Variants in SNX4 observed in about 807,000 individuals in gnomAD.
The protein encoded by SNX4 is sorting nexin 4, also known as sorting nexin-4.
In SNX4, 49 loss-of-function variants were observed where a neutral mutation model predicts 70.8. The ratio of observed to expected loss-of-function variants is 0.69; its 90% CI spans 0.55 to 0.88. The LOEUF (loss-of-function observed/expected upper bound fraction) is 0.88. Among genes scored for constraint, SNX4 ranks in the 40% least tolerant of loss-of-function variants. SNX4 has a pLI of 0.00. For missense variants in SNX4, 528 were observed against 544.8 expected (o/e 0.97, Z 0.31); for synonymous variants, 206 against 183.8 (o/e 1.12, Z -0.98).
intron 7 of SNX4, among the ~76,000 whole-genome samples, chr3:125,477,706 T>A (rs1302305311): frequency 1.3e-5 from 2 of 152,194 alleles, no homozygotes; most frequent in African/African-American, 2.4e-5. Context: ...AGTAGGTGTA[T>A]GAGGATCATA....
intron 1 of SNX4, among the ~76,000 whole-genome samples, chr3:125,510,184 C>A (rs1190691931): frequency 6.6e-6 from 1 of 151,648 alleles, no homozygotes; most frequent in African/African-American, 2.4e-5. Context: ...CCATCATTCA[C>A]AATAGGTAAA....
intron 6 of SNX4, among the ~76,000 whole-genome samples, chr3:125,482,146 G>A (rs1377334310): frequency 1.3e-5 from 2 of 152,160 alleles, no homozygotes; most frequent in Non-Finnish European, 2.9e-5. Context: ...ACATTCCTAT[G>A]TGACTTGTCA....
chr3:125,481,440 C>T (rs907869600), intron 6 of SNX4, among the ~76,000 whole-genome samples: 33 of 149,052 alleles, frequency 2.2e-4, no homozygotes, highest in East Asian at 3.9e-4. Flanking sequence ...CAAAAAATTC[C>T]TGAAATCTTT....
intron 5 of SNX4, 128 bp downstream of exon 5, chr3:125,497,213 C>T: frequency 1.7e-6 from 1 of 579,004 alleles, no homozygotes; most frequent in Non-Finnish European, 3.0e-6. Context: ...AAAACCTTAC[C>T]AATGATATTT....
chr3:125,509,193 G>A (rs540460294), intron 1 of SNX4, among the ~76,000 whole-genome samples: 3 of 151,812 alleles, frequency 2.0e-5, no homozygotes, highest in Non-Finnish European at 4.4e-5. Context: ...TTAGCCAGGC[G>A]TGGTGTCATA....
intron 1 of SNX4, among the ~76,000 whole-genome samples, chr3:125,506,870 A>T (rs1935057331): frequency 1.4e-5 from 2 of 147,906 alleles, no homozygotes; most frequent in Admixed American, 1.3e-4. Context: ...TATGAACAAA[A>T]TAGAAGTATC....
intron 10 of SNX4, among the ~76,000 whole-genome samples, chr3:125,458,655 A>G (rs191249202): frequency 3.8e-4 from 57 of 151,626 alleles, no homozygotes; most frequent in African/African-American, 1.4e-3. Context: ...TCTCTACTAA[A>G]AATACAAAAA....
intron 13 of SNX4, 128 bp from the exon 14 acceptor site, chr3:125,447,954 T>C (rs1399399461): frequency 8.8e-6 from 5 of 566,098 alleles, no homozygotes; most frequent in Non-Finnish European, 1.5e-5. Context: ...TATGACACTA[T>C]TTTGGGAAGT....
At chr3:125,502,465 G>A (rs1934949883) in intron 2 of SNX4, among the ~76,000 whole-genome samples, 1 of 151,404 alleles carries the variant, frequency 6.6e-6, no homozygotes, top group South Asian at 2.1e-4. Flanking sequence ...TTTTATTTTA[G>A]GCAGAAACAC....
rs1220336384 is a variant in SNX4, at chr3:125,482,227, C to T, written c.654-1908G>A. Among the ~76,000 whole-genome samples, 4 of 152,228 alleles carry T rather than the reference C, an allele frequency of 2.6e-5. No homozygotes were observed. The East Asian group carries it at 7.7e-4, about 29-fold the overall frequency. ...ATTTCTACCATCAGCCCAAATCTCT[C>T]TTAACTCCAGATCTATAAAACCAAC... On this transcript the variant is annotated intron_variant, in intron 6 of 13. Transcript: ENST00000251775.
rs201797485 is a variant in SNX4, at chr3:125,456,820, C to G, written c.1044+446G>C. ...GGACTACAGGCGTGAGGCACCACACCTGGCTAATTTTTGTATTTCTAGTAG... is the reference window on the plus strand; with the variant it reads ...GGACTACAGGCGTGAGGCACCACACGTGGCTAATTTTTGTATTTCTAGTAG... On this transcript the variant is annotated intron_variant, in intron 11 of 13. Transcript: ENST00000251775. Among the ~76,000 whole-genome samples the G allele has an allele frequency of 7.9e-5, 12 of 152,188 alleles. No individual in the cohort carries two copies. In the East Asian group the frequency reaches 2.3e-3, roughly 29 times the overall value.
Position 125,457,381 on chromosome 3 carries a change from TGTGCTGCCA to T in SNX4, c.945-25_945-17del, listed in dbSNP as rs752050244. 4 of 1,590,022 alleles carry T rather than the reference TGTGCTGCCA, an allele frequency of 2.5e-6. No homozygotes were observed. The South Asian group carries it at 4.4e-5, about 18-fold the overall frequency. On this transcript the variant is annotated splice_polypyrimidine_tract_variant and intron_variant, in intron 10 of 13. Coordinates refer to ENST00000251775, the MANE Select transcript of SNX4 (RefSeq NM_003794.4). ...GCACACAGCCCTACAGATGAAAAAA[TGTGCTGCCA>T]TTTAACTTTTCCTTTAACATGTCAA...
rs192031296 is a variant in SNX4 at position 125,506,999 on chromosome 3, C to T, written c.142-2255G>A. 9.4e-3 allele frequency among the ~76,000 whole-genome samples: 1,412 copies of T among 150,786 alleles called. 15 individuals are homozygous for T. Among genetic ancestry groups the T allele is most frequent in the Non-Finnish European group, 0.016 (1,066 of 67,636 alleles). ...GGCAGGTCACCTGAGGTCAGGAGTTCAAGACCAGTCTAGCCAACATGTTGA... is the reference window on the plus strand; with the variant it reads ...GGCAGGTCACCTGAGGTCAGGAGTTTAAGACCAGTCTAGCCAACATGTTGA... On this transcript the variant is annotated intron_variant, in intron 1 of 13. Transcript: ENST00000251775.
At chr3:125,453,659 A>G (rs1308774227) in intron 12 of SNX4, 151 bp downstream of exon 12, 5 of 698,514 alleles carry the variant, frequency 7.2e-6, no homozygotes, top group Non-Finnish European at 8.6e-6. Context: ...TGATAACTCA[A>G]ATTTCTTAGG....
intron 8 of SNX4, among the ~76,000 whole-genome samples, chr3:125,470,831 G>A (rs916070192): frequency 6.6e-6 from 1 of 152,086 alleles, no homozygotes; most frequent in Non-Finnish European, 1.5e-5. Flanking sequence ...ACGAGACTTT[G>A]TTTAAACATA....
At chr3:125,458,243 G>A (rs999253307) in intron 10 of SNX4, among the ~76,000 whole-genome samples, 2 of 150,300 alleles carry the variant, frequency 1.3e-5, no homozygotes, top group East Asian at 3.9e-4. Flanking sequence ...TGCAATCTCG[G>A]CTAAATGCAA....
chr3:125,511,307 A>ATC (rs10624343), intron 1 of SNX4, among the ~76,000 whole-genome samples: 2 of 151,692 alleles, frequency 1.3e-5, no homozygotes, highest in African/African-American at 4.8e-5. Context: ...CCAAAATCGA[A>ATC]TCTCTCTCTC....
chr3:125,459,972 T>G (rs1933833873), intron 10 of SNX4, among the ~76,000 whole-genome samples: 1 of 151,588 alleles, frequency 6.6e-6, no homozygotes, highest in African/African-American at 2.4e-5. Context: ...GCGGGTGGAT[T>G]ACCCGAGGTC....
At chr3:125,464,118 C>T (rs1933949704) in intron 9 of SNX4, among the ~76,000 whole-genome samples, 1 of 152,064 alleles carries the variant, frequency 6.6e-6, no homozygotes, top group South Asian at 2.1e-4. Flanking sequence ...TTTAAGTATA[C>T]AACTCAGTGG....
Sources: allele counts gnomAD v4.1 joint callset (sites outside exome capture counted in the v4.1 genomes callset), GRCh38; gene constraint gnomAD v4.1.1; transcripts MANE v1.5; gene names NCBI Gene and HGNC (gene_info 2026-07-23, HGNC 2026-07-21).